NCOA1: variants seen among roughly 807,000 people sequenced by gnomAD.
NCOA1 encodes the protein Hin-2 protein.
A neutral mutation model predicts 150.9 loss-of-function variants in NCOA1; 35 were observed. The observed-to-expected ratio is 0.23, with a 90% CI of 0.18 to 0.31. The LOEUF (loss-of-function observed/expected upper bound fraction) is 0.31. Among genes scored for constraint, NCOA1 ranks in the 10% least tolerant of loss-of-function variants. NCOA1 has a pLI of 1.00. For synonymous variants in NCOA1, 590 were observed against 630.0 expected, an observed-to-expected ratio of 0.94 and a Z score of 0.95; for missense variants, 1,491 against 1,749.3, an observed-to-expected ratio of 0.85 and a Z score of 2.63.
chr2:24,516,655 G>T (rs1182282335), intron 1 of NCOA1, among the ~76,000 whole-genome samples: 1 of 151,218 alleles, frequency 6.6e-6, no homozygotes, highest in African/African-American at 2.4e-5. Context: ...TTTTTAACTT[G>T]GTTTAATCCC....
chr2:24,569,304 T>C (rs1666640160), intron 2 of NCOA1, among the ~76,000 whole-genome samples: 1 of 152,152 alleles, frequency 6.6e-6, no homozygotes, highest in African/African-American at 2.4e-5. Flanking sequence ...TGTTAATTAG[T>C]TTTTTAGTAA....
chr2:24,719,877 C>T (rs1013772901), intron 14 of NCOA1, among the ~76,000 whole-genome samples: 4 of 152,002 alleles, frequency 2.6e-5, no homozygotes, highest in African/African-American at 4.8e-5. Context: ...ATTCTAGAAC[C>T]GCTGACAAAT....
intron 4 of NCOA1, among the ~76,000 whole-genome samples, chr2:24,645,932 A>C (rs557927742): frequency 6.6e-6 from 1 of 152,318 alleles, no homozygotes; most frequent in East Asian, 1.9e-4. Context: ...ATTTTAATTA[A>C]GTAGGAGAGC....
chr2:24,547,877 T>C (rs2148212276), intron 1 of NCOA1, among the ~76,000 whole-genome samples: 1 of 150,526 alleles, frequency 6.6e-6, no homozygotes, highest in East Asian at 2.0e-4. Context: ...TAGTCTCAGC[T>C]ACTCGGGAGA....
At chr2:24,748,022 C>T (rs1420089285) in intron 19 of NCOA1, among the ~76,000 whole-genome samples, 1 of 151,890 alleles carries the variant, frequency 6.6e-6, no homozygotes, top group Non-Finnish European at 1.5e-5. Flanking sequence ...AAGAGAATTG[C>T]TTGAACCCAG....
intron 4 of NCOA1, among the ~76,000 whole-genome samples, chr2:24,655,461 T>C (rs1030576721): frequency 1.3e-5 from 2 of 152,212 alleles, no homozygotes; most frequent in African/African-American, 4.8e-5. Context: ...TGGACTGTCA[T>C]TTAGTAATTC....
intron 3 of NCOA1, among the ~76,000 whole-genome samples, chr2:24,601,641 TTC>T (rs1251322069): frequency 2.0e-5 from 3 of 151,392 alleles, no homozygotes; most frequent in Non-Finnish European, 4.4e-5. Flanking sequence ...TCTTTCTTTC[TTC>T]TTTTTTTGAG....
intron 7 of NCOA1, among the ~76,000 whole-genome samples, chr2:24,680,078 A>C (rs987817145): frequency 6.6e-6 from 1 of 152,168 alleles, no homozygotes; most frequent in Non-Finnish European, 1.5e-5. Flanking sequence ...CTTGATCCTC[A>C]TATCTTGGCT....
chr2:24,547,373 C>T (rs1665644420), intron 1 of NCOA1, among the ~76,000 whole-genome samples: 2 of 152,070 alleles, frequency 1.3e-5, no homozygotes, highest in South Asian at 2.1e-4. Context: ...TAATAAGTAT[C>T]TTGGTTTATT....
At chr2:24,757,917 T>C in intron 20 of NCOA1, 56 bp from the exon 21 acceptor site, 1 of 1,563,826 alleles carries the variant, frequency 6.4e-7, no homozygotes, top group Admixed American at 1.8e-5. Flanking sequence ...AATCTAGTCA[T>C]ATATCCCCTT....
chr2:24,524,155 G>A (rs937818598), intron 1 of NCOA1, among the ~76,000 whole-genome samples: 1 of 152,064 alleles, frequency 6.6e-6, no homozygotes, highest in Non-Finnish European at 1.5e-5. Context: ...TGTTTATCAA[G>A]CATTAATTTG....
intron 1 of NCOA1, among the ~76,000 whole-genome samples, chr2:24,532,908 T>C (rs2148169455): frequency 6.6e-6 from 1 of 152,366 alleles, no homozygotes; most frequent in Admixed American, 6.5e-5. Flanking sequence ...TTTGTTCTTT[T>C]GGCTTAGGAT....
chr2:24,549,460 CT>C (rs1665738282), intron 1 of NCOA1, among the ~76,000 whole-genome samples: 1 of 152,216 alleles, frequency 6.6e-6, no homozygotes, highest in Non-Finnish European at 1.5e-5. Context: ...ACATTCGGCT[CT>C]TCATTACTTG....
rs777660398 is a variant in NCOA1, at chr2:24,752,153, A to G, written c.3878A>G (p.Asn1293Ser). 8.1e-6 allele frequency: 13 copies of G among 1,613,628 alleles called. No homozygotes were observed. Among genetic ancestry groups the G allele is most frequent in the Non-Finnish European group, 7.6e-6 (9 of 1,179,810 alleles). The change falls in exon 20 of 23, where the codon AAC (asparagine) becomes AGC (serine). Residue 1293 changes from asparagine to serine, a missense_variant. By Grantham distance (46) the Asn-to-Ser change is conservative (BLOSUM62 1). Coordinates refer to ENST00000348332, the MANE Select transcript of NCOA1 (RefSeq NM_003743.5). The part of the protein sequence containing the change: ...KAWQQGAIGN[N>S]NVFSQAVQNQ... ...TGGCAGCAAGGAGCGATAGGAAACA[A>G]CAAGTAAGGGGGCAGTTTTTATATA...
At chr2:24,725,926 AT>A (rs1406913591) in intron 14 of NCOA1, among the ~76,000 whole-genome samples, 1 of 152,048 alleles carries the variant, frequency 6.6e-6, no homozygotes, top group African/African-American at 2.4e-5. Context: ...TTATTTATAA[AT>A]TTTTTTCTAG....
chr2:24,632,587 C>G (rs1264557255), intron 3 of NCOA1, among the ~76,000 whole-genome samples: 1 of 152,200 alleles, frequency 6.6e-6, no homozygotes, highest in African/African-American at 2.4e-5. Flanking sequence ...CCCTGGCCCC[C>G]TTCTCCATTA....
chr2:24,742,513 A>G (rs181473102), intron 19 of NCOA1, among the ~76,000 whole-genome samples: 6 of 151,300 alleles, frequency 4.0e-5, no homozygotes, highest in Non-Finnish European at 5.9e-5. Context: ...TGGGAGTGCA[A>G]TGGTGCAATC....
intron 13 of NCOA1, among the ~76,000 whole-genome samples, chr2:24,709,363 A>G (rs1443834496): frequency 1.3e-5 from 2 of 152,160 alleles, no homozygotes; most frequent in Non-Finnish European, 1.5e-5. Context: ...GTCCTTGTTA[A>G]TACATGATAT....
chr2:24,585,388 A>C (rs1667358755), intron 3 of NCOA1, among the ~76,000 whole-genome samples: 1 of 152,030 alleles, frequency 6.6e-6, no homozygotes, highest in African/African-American at 2.4e-5. Context: ...AGAAGTTTTG[A>C]AATGTTTAAG....
Sources: gnomAD v4.1 joint callset for allele counts (sites outside exome capture counted in the v4.1 genomes callset) on GRCh38, gnomAD v4.1.1 for gene constraint, MANE v1.5 for transcripts, NCBI Gene and HGNC (gene_info 2026-07-23, HGNC 2026-07-21) for gene names.